CEP128: variants seen among roughly 807,000 people sequenced by gnomAD.
CEP128 encodes the protein centrosomal protein 128.
In CEP128, 132 loss-of-function variants were observed where a neutral mutation model predicts 156.7. The ratio of observed to expected loss-of-function variants is 0.84; its 90% CI spans 0.73 to 0.97. The LOEUF (loss-of-function observed/expected upper bound fraction) is 0.97. Among genes scored for constraint, CEP128 ranks in the 50% least tolerant of loss-of-function variants. CEP128 has a pLI of 0.00. For synonymous variants in CEP128, 469 were observed against 448.9 expected, an observed-to-expected ratio of 1.04 and a Z score of -0.57; for missense variants, 1,252 against 1,281.9, an observed-to-expected ratio of 0.98 and a Z score of 0.36.
chr14:80,680,636 C>T (rs981786470), intron 19 of CEP128, among the ~76,000 whole-genome samples: 6 of 152,278 alleles, frequency 3.9e-5, no homozygotes, highest in South Asian at 2.1e-4. Flanking sequence ...GTAGGACCCT[C>T]TGCAGTCCAT....
At chr14:80,543,294 G>C (rs997649550) in intron 21 of CEP128, among the ~76,000 whole-genome samples, 1 of 152,166 alleles carries the variant, frequency 6.6e-6, no homozygotes, top group African/African-American at 2.4e-5. Flanking sequence ...CGGAAGCAGA[G>C]ACTATCAGGT....
intron 19 of CEP128, among the ~76,000 whole-genome samples, chr14:80,708,569 T>C (rs1897300296): frequency 6.6e-6 from 1 of 152,158 alleles, no homozygotes; most frequent in Non-Finnish European, 1.5e-5. Flanking sequence ...TACATATGTA[T>C]CCATGTGCCA....
intron 9 of CEP128, among the ~76,000 whole-genome samples, chr14:80,844,177 A>C (rs905713241): frequency 1.3e-5 from 2 of 151,980 alleles, no homozygotes; most frequent in African/African-American, 4.8e-5. Flanking sequence ...AAAAAAATTA[A>C]GTTTCTTTTC....
At chr14:80,917,243 G>C (rs988481992) in intron 2 of CEP128, among the ~76,000 whole-genome samples, 1 of 151,972 alleles carries the variant, frequency 6.6e-6, no homozygotes, top group African/African-American at 2.4e-5. Context: ...CCTTACCTCA[G>C]TTTTCTATTT....
chr14:80,520,891 C>T (rs368158947), intron 23 of CEP128, among the ~76,000 whole-genome samples: 2 of 152,004 alleles, frequency 1.3e-5, no homozygotes, highest in East Asian at 1.9e-4. Flanking sequence ...GGCACGATCT[C>T]GGCTCACTGC....
intron 19 of CEP128, among the ~76,000 whole-genome samples, chr14:80,678,514 C>A (rs538808873): frequency 1.6e-4 from 24 of 152,208 alleles, no homozygotes; most frequent in Middle Eastern, 3.4e-3. Context: ...CAACTATGTG[C>A]GCTTTAATTC....
In CEP128 at chr14:80,739,171, T is replaced by C. The variant is rs368070189; in HGVS notation, c.2806+3904A>G. ...CAAGGGATAGGGAGCTAATGTATCT[T>C]TCCTCTACTGCCTACTTCTAGACTA... On this transcript the variant is annotated intron_variant, in intron 19 of 24. Transcript: ENST00000555265. Among the ~76,000 whole-genome samples, 31 of 152,332 alleles carry C rather than the reference T, an allele frequency of 2.0e-4. 5 individuals are homozygous for C. Among genetic ancestry groups the C allele is most frequent in the Admixed American group, 8.5e-4 (13 of 15,284 alleles).
chr14:80,946,146 G>A (rs181675547), upstream of CEP128, among the ~76,000 whole-genome samples: 21 of 152,234 alleles, frequency 1.4e-4, no homozygotes, highest in East Asian at 3.9e-4. Flanking sequence ...TGTGTGTAAA[G>A]CACTAAGCCT....
chr14:80,480,576 G>C (rs1887033057), intron 14 of CEP128, among the ~76,000 whole-genome samples: 1 of 152,080 alleles, frequency 6.6e-6, no homozygotes, highest in Non-Finnish European at 1.5e-5. Context: ...TGATGGGAGG[G>C]GCTGCCGAGA....
intron 17 of CEP128, among the ~76,000 whole-genome samples, chr14:80,761,201 CTTT>C (rs1326192702): frequency 3.6e-5 from 5 of 137,970 alleles, no homozygotes; most frequent in Non-Finnish European, 3.2e-5. Context: ...TAAGATTTTT[CTTT>C]TTTTTTTTTT....
intron 19 of CEP128, among the ~76,000 whole-genome samples, chr14:80,644,061 CA>C (rs199585663): frequency 2.0e-5 from 3 of 152,088 alleles, no homozygotes; most frequent in Non-Finnish European, 4.4e-5. Context: ...CATGTGAAGA[CA>C]AAGGAAGAGA....
chr14:80,895,854 AATGT>A lies in CEP128; in HGVS notation c.573-68_573-65del, dbSNP rs1249402764. The A allele has an allele frequency of 2.7e-6, 3 of 1,097,672 alleles. No individual in the cohort carries two copies. In the Admixed American group the frequency reaches 8.9e-5, roughly 33 times the overall value. 68.0% of individuals were successfully genotyped at this position (1,097,672 alleles called of 1,614,324 possible). On this transcript the variant is annotated intron_variant, in intron 7 of 24. Coordinates refer to ENST00000555265, the MANE Select transcript of CEP128 (RefSeq NM_152446.5). Reference sequence around the variant, plus strand: ...TTTAGAAAATACACAGAACGAGTGAAATGTATAACATGATAATTATGTTATTACA... The same window carrying A: ...TTTAGAAAATACACAGAACGAGTGAAATAACATGATAATTATGTTATTACA...
At chr14:80,518,189 T>C (rs1463535813) in intron 23 of CEP128, among the ~76,000 whole-genome samples, 2 of 150,102 alleles carry the variant, frequency 1.3e-5, no homozygotes, top group Non-Finnish European at 3.0e-5. Flanking sequence ...AGGTGATAGA[T>C]GATTGACTAT....
At chr14:80,831,029 A>C in intron 13 of CEP128, 114 bp downstream of exon 13, 3 of 880,068 alleles carry the variant, frequency 3.4e-6, no homozygotes, top group Non-Finnish European at 5.6e-6. Flanking sequence ...TTATATTATC[A>C]ATGCTCACAC....
At chr14:80,599,566 C>T (rs962263027) in intron 19 of CEP128, among the ~76,000 whole-genome samples, 1 of 151,910 alleles carries the variant, frequency 6.6e-6, no homozygotes, top group Non-Finnish European at 1.5e-5. Context: ...TGAGCCACTG[C>T]GCCCGGCTGA....
At chr14:80,730,108 A>C (rs1243059668) in intron 19 of CEP128, among the ~76,000 whole-genome samples, 1 of 152,196 alleles carries the variant, frequency 6.6e-6, no homozygotes, top group African/African-American at 2.4e-5. Flanking sequence ...CTCTTATTTC[A>C]ATATGAGCTT....
rs2139448506 is a variant in CEP128, at chr14:80,905,982, T to C, written c.334A>G (p.Ser112Gly). 6.2e-7 allele frequency: 1 copy of C among 1,613,304 alleles called. No homozygotes were observed. Among genetic ancestry groups the C allele is most frequent in the Non-Finnish European group, 8.5e-7 (1 of 1,179,634 alleles). Residue 112 changes from serine (S) to glycine (G), a missense_variant, in exon 5 of 25, where the codon AGT becomes GGT. Transcript: ENST00000555265. ...RSISVTSLSA[S>G]DLDGGTGSEL... is the part of the protein sequence containing the mutation. ...GACCCAGTGCCACCATCAAGGTCAC[T>C]TGCACTCAAACTTGTAACAGAAATA...
intron 4 of CEP128, among the ~76,000 whole-genome samples, chr14:80,907,267 C>T (rs370431195): frequency 6.6e-4 from 99 of 151,108 alleles, no homozygotes; most frequent in African/African-American, 2.3e-3. Context: ...CTCTCATTTC[C>T]GAAAGAAAAA....
intron 19 of CEP128, among the ~76,000 whole-genome samples, chr14:80,640,648 G>A (rs1030271595): frequency 2.6e-5 from 4 of 151,724 alleles, no homozygotes; most frequent in Non-Finnish European, 5.9e-5. Flanking sequence ...TCCTCTCCAG[G>A]GTTCTATCTA....
Sources: gnomAD v4.1 joint callset for allele counts (sites outside exome capture counted in the v4.1 genomes callset) on GRCh38, gnomAD v4.1.1 for gene constraint, MANE v1.5 for transcripts, NCBI Gene and HGNC (gene_info 2026-07-23, HGNC 2026-07-21) for gene names.